C12orf42: variants seen among roughly 807,000 people sequenced by gnomAD.
C12orf42 encodes uncharacterized protein C12orf42.
Under a neutral mutation model 21.6 loss-of-function variants are expected in C12orf42, and 25 were observed. The ratio of observed to expected loss-of-function variants is 1.16; its 90% CI spans 0.84 to 1.62. C12orf42 has a LOEUF of 1.62. Ranked by LOEUF, C12orf42 falls within the 40% of genes most tolerant of loss-of-function variation. The pLI is 0.00. For synonymous variants in C12orf42, 174 were observed against 175.0 expected (o/e 0.99, Z 0.05); for missense variants, 483 against 459.3 (o/e 1.05, Z -0.47).
the C12orf42 span, among the ~76,000 whole-genome samples, chr12:103,050,239 T>C: frequency 6.6e-6 from 1 of 152,122 alleles, no homozygotes; most frequent in Non-Finnish European, 1.5e-5. Flanking sequence ...TGTGTGTGTG[T>C]GTGTGTGTGT....
intron 10 of C12orf42, among the ~76,000 whole-genome samples, chr12:103,260,242 C>T (rs997699932): frequency 1.3e-5 from 2 of 152,012 alleles, no homozygotes; most frequent in African/African-American, 4.8e-5. Flanking sequence ...TAAAAAACAA[C>T]AAATTTGAAA....
At chr12:103,082,772 T>C in the C12orf42 span, among the ~76,000 whole-genome samples, 9 of 152,320 alleles carry the variant, frequency 5.9e-5, no homozygotes, top group East Asian at 1.7e-3. Flanking sequence ...TAGAAAATGA[T>C]CAAAGAAGCT....
At chr12:103,365,310 A>G (rs775411960) in intron 4 of C12orf42, among the ~76,000 whole-genome samples, 1 of 152,004 alleles carries the variant, frequency 6.6e-6, no homozygotes, top group African/African-American at 2.4e-5. Flanking sequence ...AAATTGGCAT[A>G]CAAGTGACAT....
the C12orf42 span, among the ~76,000 whole-genome samples, chr12:103,074,725 T>C: frequency 3.3e-5 from 5 of 152,180 alleles, no homozygotes; most frequent in African/African-American, 9.6e-5. Context: ...CTCAAAAATC[T>C]AAAACTAAAG....
chr12:103,068,790 G>T, the C12orf42 span, among the ~76,000 whole-genome samples: 1 of 150,340 alleles, frequency 6.7e-6, no homozygotes. Context: ...GACTCAGGCT[G>T]GCTTCCTTGC....
chr12:103,123,906 A>T, the C12orf42 span, among the ~76,000 whole-genome samples: 2 of 152,018 alleles, frequency 1.3e-5, no homozygotes, highest in South Asian at 2.1e-4. Context: ...ACTGTTTTAG[A>T]GTGTGCAAAA....
chr12:103,148,862 A>G, the C12orf42 span, among the ~76,000 whole-genome samples: 1 of 152,206 alleles, frequency 6.6e-6, no homozygotes, highest in Non-Finnish European at 1.5e-5. Context: ...ACTCTAGAAC[A>G]AGCTCCCTGA....
At chr12:103,555,920 C>T in the C12orf42 span, among the ~76,000 whole-genome samples, 2 of 152,036 alleles carry the variant, frequency 1.3e-5, no homozygotes, top group African/African-American at 4.8e-5. Context: ...GTCCTGTGTG[C>T]AGGACAGCAG....
intron 2 of C12orf42, among the ~76,000 whole-genome samples, chr12:103,422,877 A>T (rs1332523019): frequency 6.6e-6 from 1 of 151,960 alleles, no homozygotes; most frequent in East Asian, 1.9e-4. Flanking sequence ...GAAAAATAAA[A>T]CAATGCTCTC....
chr12:103,536,734 C>G, the C12orf42 span, among the ~76,000 whole-genome samples: 781 of 152,228 alleles, frequency 5.1e-3, 3 homozygotes, highest in African/African-American at 0.018. Flanking sequence ...CTCCTTTTCT[C>G]CCTTTGCTCT....
chr12:103,325,130 G>A (rs1249198827), intron 4 of C12orf42, among the ~76,000 whole-genome samples: 1 of 152,226 alleles, frequency 6.6e-6, no homozygotes, highest in African/African-American at 2.4e-5. Flanking sequence ...AGACAAATAT[G>A]CATGAAAATT....
chr12:103,157,261 T>A, the C12orf42 span, among the ~76,000 whole-genome samples: 1 of 152,238 alleles, frequency 6.6e-6, no homozygotes, highest in Non-Finnish European at 1.5e-5. Flanking sequence ...GCTGGTCACA[T>A]AAATGTCTTC....
chr12:103,073,146 G>C, the C12orf42 span, among the ~76,000 whole-genome samples: 1 of 152,078 alleles, frequency 6.6e-6, no homozygotes, highest in Admixed American at 6.6e-5. Flanking sequence ...CGGACATATA[G>C]AGGGGAACAA....
At chr12:103,063,219 C>G in the C12orf42 span, among the ~76,000 whole-genome samples, 15,287 of 152,130 alleles carry the variant, frequency 0.1, 1,310 homozygotes, top group East Asian at 0.48. Flanking sequence ...GCTTCAGAAG[C>G]AGATACAGAG....
chr12:103,185,009 C>A, the C12orf42 span, among the ~76,000 whole-genome samples: 1 of 151,966 alleles, frequency 6.6e-6, no homozygotes, highest in African/African-American at 2.4e-5. Flanking sequence ...TTTTCACCTT[C>A]CAAAATGATA....
intron 2 of C12orf42, among the ~76,000 whole-genome samples, chr12:103,429,952 G>A (rs1272824591): frequency 6.6e-6 from 1 of 152,016 alleles, no homozygotes; most frequent in African/African-American, 2.4e-5. Context: ...TTCCTTACAC[G>A]TTATACAAAA....
chr12:103,097,403 G>T, the C12orf42 span, among the ~76,000 whole-genome samples: 2 of 152,256 alleles, frequency 1.3e-5, no homozygotes, highest in Non-Finnish European at 1.5e-5. Context: ...CTTAGGATTC[G>T]AATATAAGAA....
At chr12:103,460,910 G>T (rs1952656239) in intron 2 of C12orf42, among the ~76,000 whole-genome samples, 1 of 152,074 alleles carries the variant, frequency 6.6e-6, no homozygotes, top group Non-Finnish European at 1.5e-5. Flanking sequence ...GGGAGGAGTG[G>T]GTCAGAGGCA....
At chr12:103,431,423 A>G (rs1565813904) in intron 2 of C12orf42, 1 of 152,322 alleles carries the variant, frequency 6.6e-6, no homozygotes, top group East Asian at 1.9e-4. Context: ...ACACTTTCCT[A>G]TATGTCACGG....
Sources: allele counts gnomAD v4.1 joint callset (sites outside exome capture counted in the v4.1 genomes callset), GRCh38; gene constraint gnomAD v4.1.1; transcripts MANE v1.5; gene names NCBI Gene and HGNC (gene_info 2026-07-23, HGNC 2026-07-21).